The following UGT1A7 variants were observed in gnomAD, a reference collection of about 807,000 sequenced individuals.
UGT1A7 encodes the protein UDP-glucuronosyltransferase 1A7.
In UGT1A7, 33 loss-of-function variants were observed where a neutral mutation model predicts 45.6. That is an observed-to-expected ratio of 0.72 (90% CI 0.55 to 0.97). UGT1A7 has a LOEUF of 0.97. Ranked by LOEUF, UGT1A7 falls within the 50% of genes least tolerant of loss-of-function variation. The pLI is 0.00. For missense variants in UGT1A7, 684 were observed against 666.2 expected, an observed-to-expected ratio of 1.03 and a Z score of -0.29; for synonymous variants, 274 against 250.6, an observed-to-expected ratio of 1.09 and a Z score of -0.88.
intron 1 of UGT1A7, among the ~76,000 whole-genome samples, chr2:233,765,573 A>C (rs1448763178): frequency 2.6e-5 from 4 of 152,132 alleles, no homozygotes; most frequent in Admixed American, 6.5e-5. Context: ...GCGTAGACGC[A>C]GGGAGGGGAA....
At chr2:233,693,160 G>T in intron 1 of UGT1A7, 5 of 1,614,182 alleles carry the variant, frequency 3.1e-6, no homozygotes, top group Non-Finnish European at 4.2e-6. Flanking sequence ...TCAGTGACCG[G>T]GGTCATGAGA....
chr2:233,718,173 A>G (rs143975074), intron 1 of UGT1A7: 25 of 238,454 alleles, frequency 1.0e-4, no homozygotes, highest in Admixed American at 2.8e-4. Flanking sequence ...TGATCATCAC[A>G]TCTTGAGCTC....
At chr2:233,728,351 G>A (rs1396406554) in intron 1 of UGT1A7, among the ~76,000 whole-genome samples, 1 of 152,180 alleles carries the variant, frequency 6.6e-6, no homozygotes, top group East Asian at 1.9e-4. Context: ...TGGTGAGCAG[G>A]AGCTCCCTGA....
chr2:233,732,616 A>C (rs1187431518), intron 1 of UGT1A7, among the ~76,000 whole-genome samples: 1 of 152,194 alleles, frequency 6.6e-6, no homozygotes, highest in Non-Finnish European at 1.5e-5. Flanking sequence ...AAATGGTTGT[A>C]GATGTGTGGT....
chr2:233,737,526 G>A (rs574961545), intron 1 of UGT1A7, among the ~76,000 whole-genome samples: 8 of 152,286 alleles, frequency 5.3e-5, no homozygotes, highest in East Asian at 3.9e-4. Context: ...GTGAGGCGAC[G>A]CCCTGCCCTG....
intron 1 of UGT1A7, among the ~76,000 whole-genome samples, chr2:233,735,497 T>A (rs1029127614): frequency 3.9e-5 from 6 of 152,204 alleles, no homozygotes; most frequent in African/African-American, 1.4e-4. Flanking sequence ...ATTGCAGCAT[T>A]TAGCCCATTT....
chr2:233,713,246 C>T (rs2076296545), intron 1 of UGT1A7: 1 of 1,614,080 alleles, frequency 6.2e-7, no homozygotes, highest in African/African-American at 1.3e-5. Context: ...TTTCATGGAC[C>T]CAGGACGAAT....
At chr2:233,766,573 T>A (rs1699187468) in intron 1 of UGT1A7, among the ~76,000 whole-genome samples, 1 of 152,150 alleles carries the variant, frequency 6.6e-6, no homozygotes, top group Non-Finnish European at 1.5e-5. Context: ...TGGGCACAGG[T>A]CTGGGGGTGG....
At chr2:233,760,184 G>A in intron 1 of UGT1A7, 1 of 1,553,564 alleles carries the variant, frequency 6.4e-7, no homozygotes, top group Non-Finnish European at 8.7e-7. Flanking sequence ...GCTTTTTATA[G>A]TCACGTGACA....
At chr2:233,758,025 T>G (rs1696779079) in intron 1 of UGT1A7, among the ~76,000 whole-genome samples, 1 of 152,184 alleles carries the variant, frequency 6.6e-6, no homozygotes, top group Non-Finnish European at 1.5e-5. Context: ...TCTGTCTACC[T>G]GACCCCTCCT....
chr2:233,687,583 TA>T (rs71398794), intron 1 of UGT1A7, among the ~76,000 whole-genome samples: 1,418 of 107,430 alleles, frequency 0.013, 6 homozygotes, highest in Middle Eastern at 0.015. Flanking sequence ...ACATTCTTTG[TA>T]AAAAAAAAAA....
rs753289474 is a variant in UGT1A7, at chr2:233,769,632, G to A, written c.1295+1193G>A. The A allele has an allele frequency of 1.9e-6, 3 of 1,611,424 alleles. No individual in the cohort carries two copies. The highest frequency in any genetic ancestry group is 2.5e-6 in the Non-Finnish European group (3 of 1,179,338). On this transcript the variant is annotated intron_variant, in intron 4 of 4. Coordinates refer to ENST00000373426, the MANE Select transcript of UGT1A7 (RefSeq NM_019077.3). The surrounding 1 kb of genome is among the most constrained non-coding windows in gnomAD (Gnocchi z 4.4). ...CACCAGCTTGAGCAAGGGACAACAGGGGAGGACTGATGACTGACTTCCCAC... is the reference window on the plus strand; with the variant it reads ...CACCAGCTTGAGCAAGGGACAACAGAGGAGGACTGATGACTGACTTCCCAC...
In UGT1A7 at chr2:233,719,788, G is replaced by T. The variant is rs184331208; in HGVS notation, c.855+36996G>T. 800 of 1,609,458 alleles carry T rather than the reference G, an allele frequency of 5.0e-4. 15 individuals are homozygous for T. The East Asian group carries it at 0.012, about 25-fold the overall frequency. On this transcript the variant is annotated intron_variant, in intron 1 of 4. Transcript: ENST00000373426. ...TTCCATATCTACTTATCTTTCCAAA[G>T]ATTTTATTTTGGCTTCTTTATAACA...
chr2:233,772,356 A>C lies in UGT1A7; in HGVS notation c.1390A>C (p.Arg464=), dbSNP rs1468738748. 6.2e-7 allele frequency: 1 copy of C among 1,614,222 alleles called. No homozygotes were observed. Among genetic ancestry groups the C allele is most frequent in the Non-Finnish European group, 8.5e-7 (1 of 1,180,034 alleles). The change falls in exon 5 of 5, where the codon AGG becomes CGG. Residue 464 remains arginine, a synonymous_variant. Transcript: ENST00000373426. ...LAVFWVEFVM[R]HKGAPHLRPA... is the part of the protein sequence containing the mutation. ...CGTGTTCTGGGTGGAGTTTGTGATGAGGCACAAGGGCGCGCCACACCTGCG... is the reference window on the plus strand; with the variant it reads ...CGTGTTCTGGGTGGAGTTTGTGATGCGGCACAAGGGCGCGCCACACCTGCG...
chr2:233,682,741 T>C lies in UGT1A7; in HGVS notation c.804T>C (p.Asn268=), dbSNP rs1443370388. The C allele has an allele frequency of 1.1e-5, 18 of 1,613,942 alleles. No individual in the cohort carries two copies. Among genetic ancestry groups the C allele is most frequent in the Non-Finnish European group, 1.5e-5 (18 of 1,179,832 alleles). Reference sequence around the variant, plus strand: ...AGTATCCCAAACCCGTGATGCCCAATATGATCTTCATTGGTGGTATCAACT... The same window carrying C: ...AGTATCCCAAACCCGTGATGCCCAACATGATCTTCATTGGTGGTATCAACT... The part of the protein sequence containing the change: ...VLEYPKPVMP[N]MIFIGGINCH... The change falls in exon 1 of 5, where the codon AAT becomes AAC. Residue 268 remains asparagine, a synonymous_variant. Coordinates refer to ENST00000373426, the MANE Select transcript of UGT1A7 (RefSeq NM_019077.3).
In UGT1A7 at chr2:233,716,496, CA is replaced by C. The variant is rs1188662406; in HGVS notation, c.855+33705del. On this transcript the variant is annotated intron_variant, in intron 1 of 4. Transcript: ENST00000373426. Reference sequence around the variant, plus strand: ...CTGTCCTCCGTAGTCTTCTATTCTCCAGGCTTCAGAGCTCTCAGCTTACCAT... The same window carrying C: ...CTGTCCTCCGTAGTCTTCTATTCTCCGGCTTCAGAGCTCTCAGCTTACCAT... Among the ~76,000 whole-genome samples the C allele has an allele frequency of 2.0e-5, 3 of 152,150 alleles. No individual in the cohort carries two copies. In the East Asian group the frequency reaches 5.8e-4, roughly 29 times the overall value.
rs1390610416 is a variant in UGT1A7, at chr2:233,681,967, T to A, written c.30T>A (p.Leu10=). ...CTCGTGCAGGGTGGACTGGCCTCCT[T>A]CCCCTATATGTGTGTCTACTGCTGA... MARAGWTGL[L]PLYVCLLLTC... The change falls in exon 1 of 5, where the codon CTT becomes CTA. Residue 10 remains leucine, a synonymous_variant. Transcript: ENST00000373426. 3.7e-6 allele frequency: 6 copies of A among 1,614,002 alleles called. No individual in the cohort carries two copies. The highest frequency in any genetic ancestry group is 1.7e-5 in the Admixed American group (1 of 60,008).
intron 1 of UGT1A7, chr2:233,741,484 T>C (rs1691677758): frequency 6.6e-6 from 1 of 151,932 alleles, no homozygotes. Flanking sequence ...CCTCGTCTGA[T>C]GTACAAAAAA....
At chr2:233,713,023 A>G (rs576086579) in intron 1 of UGT1A7, 145 of 1,613,794 alleles carry the variant, frequency 9.0e-5, no homozygotes, top group Middle Eastern at 7.0e-4. Context: ...CCCCTGCCGC[A>G]GCTGGCCACA....
Sources: allele counts gnomAD v4.1 joint callset (sites outside exome capture counted in the v4.1 genomes callset), GRCh38; gene constraint gnomAD v4.1.1; non-coding constraint Gnocchi (gnomAD v3.1); transcripts MANE v1.5; gene names NCBI Gene and HGNC (gene_info 2026-07-23, HGNC 2026-07-21).